The following TFAP2C variants were observed in gnomAD, a reference collection of about 807,000 sequenced individuals.
TFAP2C encodes the protein transcription factor AP-2 gamma.
In TFAP2C, 9 loss-of-function variants were observed where a neutral mutation model predicts 42.9. The observed-to-expected ratio is 0.21, with a 90% CI of 0.13 to 0.37. The LOEUF (loss-of-function observed/expected upper bound fraction) is 0.37. TFAP2C is among the 10% of genes least tolerant of loss of function. The pLI is 1.00. For missense variants in TFAP2C, 462 were observed against 591.7 expected (o/e 0.78, Z 2.27); for synonymous variants, 264 against 256.0 (o/e 1.03, Z -0.30).
Position 56,631,247 on chromosome 20 carries a change from C to T in TFAP2C, c.91C>T (p.His31Tyr). 6.3e-7 allele frequency: 1 copy of T among 1,580,580 alleles called. No homozygotes were observed. The highest frequency in any genetic ancestry group is 8.6e-7 in the Non-Finnish European group (1 of 1,164,724). ...GSSNGNPRVP[H>Y]LSSAGQHLYS... ...CAGCAATGGGAATCCGCGGGTCCCC[C>T]ACCTCTCCTCCGCCGGGCAGCACCT... The change falls in exon 2 of 7, where the codon CAC becomes TAC. Residue 31 changes from histidine (H) to tyrosine (Y), a missense_variant. This residue lies in a region of TFAP2C where 271 missense variants were observed against 269.7 expected (regional missense o/e 1.00). Coordinates refer to ENST00000201031, the MANE Select transcript of TFAP2C (RefSeq NM_003222.4). The surrounding 1 kb of genome is among the most constrained non-coding windows in gnomAD (Gnocchi z 6.1).
intron 3 of TFAP2C, among the ~76,000 whole-genome samples, chr20:56,632,556 C>T (rs1987511043): frequency 6.6e-6 from 1 of 152,036 alleles, no homozygotes; most frequent in African/African-American, 2.4e-5. Flanking sequence ...ACTTGAACTG[C>T]TTAAATGGAT....
chr20:56,636,525 CAAAAA>C (rs74181067), intron 5 of TFAP2C, 80 bp from the exon 6 acceptor site: 31 of 1,251,354 alleles, frequency 2.5e-5, no homozygotes, highest in East Asian at 5.2e-5. Flanking sequence ...GACTCCGTGT[CAAAAA>C]AAAAAAAAAA....
chr20:56,630,966 G>T lies in TFAP2C; in HGVS notation c.49-239G>T, dbSNP rs371168193. 149 of 985,404 alleles carry T rather than the reference G, an allele frequency of 1.5e-4. 1 individual carries two copies. The East Asian group carries it at 0.012, about 80-fold the overall frequency. The allele number at this position is 985,404 out of a possible 1,614,324, so 61.0% of individuals were successfully genotyped here. ...GCAGCGCCTAGACCTTCGCCGCCGG[G>T]CTTTGAGAACTCGTTCCCCCAGGTC... On this transcript the variant is annotated intron_variant, in intron 1 of 6. Transcript: ENST00000201031. This position sits in a 1 kb window ranked among gnomAD's most constrained non-coding sequence, Gnocchi z 5.1.
intron 5 of TFAP2C, 25 bp downstream of exon 5, chr20:56,634,293 C>G (rs1275894521): frequency 6.5e-7 from 1 of 1,534,304 alleles, no homozygotes; most frequent in Admixed American, 1.7e-5. Flanking sequence ...GTTTTTGGTT[C>G]GTGATGTTTT....
rs774157164 is a variant in TFAP2C at position 56,631,302 on chromosome 20, C to A, written c.146C>A (p.Thr49Asn). Residue 49 changes from threonine (T) to asparagine (N), a missense_variant, in exon 2 of 7, where the codon ACT becomes AAT. By Grantham distance (65) the Thr-to-Asn change is moderately conservative. Coordinates refer to ENST00000201031, the MANE Select transcript of TFAP2C (RefSeq NM_003222.4). The surrounding 1 kb of genome is among the most constrained non-coding windows in gnomAD (Gnocchi z 6.1). The stretch of plus-strand genomic sequence containing the variant: ...AGCCCCGCGCCACCCCTCTCCCACA[C>A]TGGAGTCGCCGAATATCAGCCGCCA... ...LYSPAPPLSH[T>N]GVAEYQPPPY... 3 of 1,608,258 alleles carry A rather than the reference C, an allele frequency of 1.9e-6. No individual in the cohort carries two copies. Among genetic ancestry groups the A allele is most frequent in the Non-Finnish European group, 2.5e-6 (3 of 1,177,968 alleles).
At position 56,631,185 on chromosome 20, in the gene TFAP2C, G is replaced by GTTT; in HGVS notation, c.49-11_49-9dup. On this transcript the variant is annotated intron_variant, in intron 1 of 6. Transcript: ENST00000201031. The surrounding 1 kb of genome is among the most constrained non-coding windows in gnomAD (Gnocchi z 6.1). The stretch of plus-strand genomic sequence containing the variant: ...GGGTTTCGCACTAACGGGGTCTCCT[G>GTTT]TTTTTTTTTTTCCCTCCAGGATCGC... 3.4e-6 allele frequency: 4 copies of GTTT among 1,191,454 alleles called. No individual in the cohort carries two copies. The highest frequency in any genetic ancestry group is 2.7e-5 in the Admixed American group (1 of 37,182). 73.8% of individuals were successfully genotyped at this position (1,191,454 alleles called of 1,614,324 possible).
Position 56,631,291 on chromosome 20 carries a change from C to A in TFAP2C, c.135C>A (p.Pro45=). Residue 45 remains proline (P), a synonymous_variant, in exon 2 of 7, where the codon CCC becomes CCA. Coordinates refer to ENST00000201031, the MANE Select transcript of TFAP2C (RefSeq NM_003222.4). This position sits in a 1 kb window ranked among gnomAD's most constrained non-coding sequence, Gnocchi z 6.1. Reference sequence around the variant, plus strand: ...AGCACCTCTACAGCCCCGCGCCACCCCTCTCCCACACTGGAGTCGCCGAAT... The same window carrying A: ...AGCACCTCTACAGCCCCGCGCCACCACTCTCCCACACTGGAGTCGCCGAAT... ...AGQHLYSPAP[P]LSHTGVAEYQ... The A allele has an allele frequency of 6.2e-7, 1 of 1,607,358 alleles. No individual in the cohort carries two copies. The highest frequency in any genetic ancestry group is 8.5e-7 in the Non-Finnish European group (1 of 1,177,594).
At position 56,636,512 on chromosome 20, in the gene TFAP2C, C is replaced by T. The variant is rs575099118; in HGVS notation, c.923-98C>T. 6.0e-6 allele frequency: 8 copies of T among 1,335,946 alleles called. No homozygotes were observed. The African/African-American group carries it at 6.6e-5, about 11-fold the overall frequency. 82.8% of individuals were successfully genotyped at this position (1,335,946 alleles called of 1,614,324 possible). On this transcript the variant is annotated intron_variant, in intron 5 of 6. Transcript: ENST00000201031. Reference sequence around the variant, plus strand: ...CTGCACTCCAGCCTGGGCAACAGAGCGAGACTCCGTGTCAAAAAAAAAAAA... The same window carrying T: ...CTGCACTCCAGCCTGGGCAACAGAGTGAGACTCCGTGTCAAAAAAAAAAAA...
At chr20:56,633,195 TA>T (rs201188401) in intron 3 of TFAP2C, among the ~76,000 whole-genome samples, 157 bp from the exon 4 acceptor site, 18 of 151,780 alleles carry the variant, frequency 1.2e-4, no homozygotes, top group Non-Finnish European at 1.3e-4. Context: ...AGACTCTTAT[TA>T]TTTTTTTTTT....
Position 56,631,139 on chromosome 20 carries a change from G to A in TFAP2C, c.49-66G>A, listed in dbSNP as rs1400642682. Reference sequence around the variant, plus strand: ...GGGGCCCTCTGCGTAGCCCGGCGATGCCGGCCAGTTCGCAGTAGCGGGGTT... The same window carrying A: ...GGGGCCCTCTGCGTAGCCCGGCGATACCGGCCAGTTCGCAGTAGCGGGGTT... On this transcript the variant is annotated intron_variant, in intron 1 of 6. Coordinates refer to ENST00000201031, the MANE Select transcript of TFAP2C (RefSeq NM_003222.4). This position sits in a 1 kb window ranked among gnomAD's most constrained non-coding sequence, Gnocchi z 6.1. The A allele has an allele frequency of 1.2e-5, 17 of 1,469,448 alleles. No individual in the cohort carries two copies. In the Admixed American group the frequency reaches 1.3e-4, roughly 11 times the overall value. The allele number at this position is 1,469,448 out of a possible 1,614,324, so 91.0% of individuals were successfully genotyped here.
Position 56,638,680 on chromosome 20 carries a change from T to TA in TFAP2C, c.*669dup, listed in dbSNP as rs1987633227. 1.3e-5 allele frequency: 2 copies of TA among 150,070 alleles called. No individual in the cohort carries two copies. Among genetic ancestry groups the TA allele is most frequent in the Non-Finnish European group, 3.0e-5 (2 of 67,504 alleles). 9.3% of individuals were successfully genotyped at this position (150,070 alleles called of 1,614,324 possible). The stretch of plus-strand genomic sequence containing the variant: ...TCTCCTTTTTTTTTTTTTTTTTTTT[T>TA]AACTTTGAAAGTTAACTCTTCAAAT... On this transcript the variant is annotated 3_prime_UTR_variant, in exon 7 of 7. Coordinates refer to ENST00000201031, the MANE Select transcript of TFAP2C (RefSeq NM_003222.4).
intron 3 of TFAP2C, among the ~76,000 whole-genome samples, chr20:56,632,238 A>G (rs1987506836): frequency 6.6e-6 from 1 of 152,222 alleles, no homozygotes; most frequent in African/African-American, 2.4e-5. Context: ...TTAATTGTTG[A>G]ATAAGTTGTG....
chr20:56,629,835 G>A lies in TFAP2C; in HGVS notation c.48+243G>A, dbSNP rs1013922313. 2.6e-5 allele frequency among the ~76,000 whole-genome samples: 4 copies of A among 152,202 alleles called. No homozygotes were observed. The highest frequency in any genetic ancestry group is 9.6e-5 in the African/African-American group (4 of 41,460). On this transcript the variant is annotated intron_variant, in intron 1 of 6. Transcript: ENST00000201031. This position sits in a 1 kb window ranked among gnomAD's most constrained non-coding sequence, Gnocchi z 5.9. Reference sequence around the variant, plus strand: ...GAGAATGGCAAATCCCACCCACACAGCTTACCGGGCGCTTTCCTAAGCGGC... The same window carrying A: ...GAGAATGGCAAATCCCACCCACACAACTTACCGGGCGCTTTCCTAAGCGGC...
intron 5 of TFAP2C, among the ~76,000 whole-genome samples, chr20:56,636,229 A>G (rs1294173430): frequency 6.6e-6 from 1 of 152,220 alleles, no homozygotes; most frequent in Non-Finnish European, 1.5e-5. Flanking sequence ...TGACTGGTAG[A>G]CAATGAATAC....
rs74181067 is a variant in TFAP2C at position 56,636,525 on chromosome 20, C to CAAA, written c.923-72_923-70dup. 3.5e-3 allele frequency: 4,396 copies of CAAA among 1,250,278 alleles called. 81 individuals are homozygous for CAAA. The African/African-American group carries it at 0.058, about 16-fold the overall frequency. The allele number at this position is 1,250,278 out of a possible 1,614,324, so 77.4% of individuals were successfully genotyped here. On this transcript the variant is annotated intron_variant, in intron 5 of 6. Transcript: ENST00000201031. ...TGGGCAACAGAGCGAGACTCCGTGT[C>CAAA]AAAAAAAAAAAAAAAGAGAGAGGAA...
chr20:56,634,304 T>C, intron 5 of TFAP2C, 36 bp downstream of exon 5: 1 of 1,456,670 alleles, frequency 6.9e-7, no homozygotes, highest in Non-Finnish European at 9.6e-7. Flanking sequence ...GTGATGTTTT[T>C]AATTTGTGCC....
At position 56,630,360 on chromosome 20, in the gene TFAP2C, C is replaced by A; in HGVS notation, c.48+768C>A. 1 of 459,204 alleles carries A rather than the reference C, an allele frequency of 2.2e-6. No individual in the cohort carries two copies. Among genetic ancestry groups the A allele is most frequent in the African/African-American group, 2.0e-5 (1 of 49,668 alleles). The allele number at this position is 459,204 out of a possible 1,614,324, so 28.4% of individuals were successfully genotyped here. A position where few individuals can be genotyped will look rare whatever the true frequency, so the allele number is the denominator to read the frequency against. On this transcript the variant is annotated intron_variant, in intron 1 of 6. Coordinates refer to ENST00000201031, the MANE Select transcript of TFAP2C (RefSeq NM_003222.4). The surrounding 1 kb of genome is among the most constrained non-coding windows in gnomAD (Gnocchi z 5.1). ...CGCTTCCGCCAGGAGGCGACAGCGC[C>A]ATGTTCCTCCAGGTTCCCGGCGCCC...
Position 56,631,877 on chromosome 20 carries a change from G to C in TFAP2C, c.586+21G>C. On this transcript the variant is annotated intron_variant, in intron 3 of 6. Coordinates refer to ENST00000201031, the MANE Select transcript of TFAP2C (RefSeq NM_003222.4). This position sits in a 1 kb window ranked among gnomAD's most constrained non-coding sequence, Gnocchi z 6.1. The stretch of plus-strand genomic sequence containing the variant: ...CAAAGGTAAATAGCAAGGTGGCATC[G>C]TCTAACTCTGGTCACACGATCTGGG... 4 of 1,614,064 alleles carry C rather than the reference G, an allele frequency of 2.5e-6. No individual in the cohort carries two copies. Among genetic ancestry groups the C allele is most frequent in the Non-Finnish European group, 3.4e-6 (4 of 1,179,906 alleles).
At position 56,638,659 on chromosome 20, in the gene TFAP2C, C is replaced by CTTTTTTTTTTTTTTTTTTTTTT. The variant is rs34794327; in HGVS notation, c.*667_*668insTTTTTTTTTTTTTTTTTTTTTT. ...AAGCCTGCTGATTGATTTTTTTCTC[C>CTTTTTTTTTTTTTTTTTTTTTT]TTTTTTTTTTTTTTTTTTTTTAACT... On this transcript the variant is annotated 3_prime_UTR_variant, in exon 7 of 7. Coordinates refer to ENST00000201031, the MANE Select transcript of TFAP2C (RefSeq NM_003222.4). The CTTTTTTTTTTTTTTTTTTTTTT allele has an allele frequency of 1.6e-5, 2 of 124,574 alleles. No individual in the cohort carries two copies. The highest frequency in any genetic ancestry group is 3.4e-5 in the Non-Finnish European group (2 of 58,644). The allele number at this position is 124,574 out of a possible 1,614,324, so 7.7% of individuals were successfully genotyped here.
Sources: allele counts gnomAD v4.1 joint callset (sites outside exome capture counted in the v4.1 genomes callset), GRCh38; gene constraint gnomAD v4.1.1; regional missense constraint gnomAD v4.1.1; non-coding constraint Gnocchi (gnomAD v3.1); transcripts MANE v1.5; gene names NCBI Gene and HGNC (gene_info 2026-07-23, HGNC 2026-07-21).